CERS6: variants seen among roughly 807,000 people sequenced by gnomAD.
The protein encoded by CERS6 is LAG1 homolog, ceramide synthase 6.
A neutral mutation model predicts 56.8 loss-of-function variants in CERS6; 26 were observed. The ratio of observed to expected loss-of-function variants is 0.46; its 90% CI spans 0.34 to 0.63. The LOEUF is 0.63. Ranked by LOEUF, CERS6 falls within the 30% of genes least tolerant of loss-of-function variation. The pLI is 0.01. For synonymous variants in CERS6, 164 were observed against 173.3 expected (o/e 0.95, Z 0.42); for missense variants, 415 against 467.5 (o/e 0.89, Z 1.04).
intron 3 of CERS6, among the ~76,000 whole-genome samples, chr2:168,577,208 G>T (rs957197455): frequency 2.6e-5 from 4 of 152,162 alleles, no homozygotes; most frequent in Non-Finnish European, 5.9e-5. Context: ...CGTATGAGAG[G>T]TTATGGAATT....
chr2:168,762,141 C>A (rs1184241114), intron 8 of CERS6, among the ~76,000 whole-genome samples: 1 of 151,900 alleles, frequency 6.6e-6, no homozygotes, highest in Non-Finnish European at 1.5e-5. Flanking sequence ...CCTGCACATT[C>A]TGCATATGTA....
chr2:168,540,290 GTTTA>G (rs980766764), intron 1 of CERS6, among the ~76,000 whole-genome samples: 4 of 152,010 alleles, frequency 2.6e-5, no homozygotes, highest in South Asian at 4.2e-4. Flanking sequence ...CCTTTTCTAT[GTTTA>G]TTTATTTGTG....
chr2:168,598,597 T>C (rs188457900), intron 3 of CERS6, among the ~76,000 whole-genome samples: 25 of 152,054 alleles, frequency 1.6e-4, no homozygotes, highest in Non-Finnish European at 2.6e-4. Flanking sequence ...AATCCAAGAA[T>C]ATAATGCCAT....
chr2:168,722,589 G>T lies in CERS6; in HGVS notation c.845+4611G>T, dbSNP rs200710132. 1.4e-4 allele frequency among the ~76,000 whole-genome samples: 22 copies of T among 152,278 alleles called. No homozygotes were observed. The East Asian group carries it at 4.0e-3, about 28-fold the overall frequency. On this transcript the variant is annotated intron_variant, in intron 8 of 9. Coordinates refer to ENST00000305747, the MANE Select transcript of CERS6 (RefSeq NM_203463.3). ...CACGTAACTCTAACGAAGCAAACTT[G>T]TGTTTGTCACATTCCTCATTTAATG...
At chr2:168,526,403 G>A (rs1036484023) in intron 1 of CERS6, among the ~76,000 whole-genome samples, 1 of 152,150 alleles carries the variant, frequency 6.6e-6, no homozygotes, top group Non-Finnish European at 1.5e-5. Context: ...GGAAGTACAC[G>A]ATGAAGAGCT....
intron 1 of CERS6, among the ~76,000 whole-genome samples, chr2:168,459,805 C>T (rs1693746170): frequency 6.6e-6 from 1 of 152,172 alleles, no homozygotes; most frequent in African/African-American, 2.4e-5. Flanking sequence ...AAGCCATTCT[C>T]AGGAACTATA....
chr2:168,736,538 C>T (rs1683722928), intron 8 of CERS6, among the ~76,000 whole-genome samples: 1 of 152,156 alleles, frequency 6.6e-6, no homozygotes, highest in African/African-American at 2.4e-5. Flanking sequence ...ACCATGATTT[C>T]CAGCCTGGTC....
rs182281135 is a variant in CERS6 at position 168,711,306 on chromosome 2, C to A, written c.610-3695C>A. On this transcript the variant is annotated intron_variant, in intron 6 of 9. Transcript: ENST00000305747. ...AATAAAGAGGGTGCATGTGTGGGCT[C>A]TCCCACACTCGCTCCCCGCCACATA... Among the ~76,000 whole-genome samples, 467 of 152,304 alleles carry A rather than the reference C, an allele frequency of 3.1e-3. 6 individuals carry two copies. The highest frequency in any genetic ancestry group is 9.5e-3 in the African/African-American group (395 of 41,558).
At chr2:168,663,250 C>A (rs939572770) in intron 4 of CERS6, among the ~76,000 whole-genome samples, 2 of 151,990 alleles carry the variant, frequency 1.3e-5, no homozygotes, top group African/African-American at 4.8e-5. Flanking sequence ...TTTAAAAATG[C>A]ATTATTAGTT....
intron 1 of CERS6, among the ~76,000 whole-genome samples, chr2:168,513,840 G>T (rs4630736): frequency 1.3e-5 from 2 of 152,124 alleles, no homozygotes; most frequent in African/African-American, 2.4e-5. Flanking sequence ...TGTTGGAACT[G>T]GTTGCGAGGT....
At chr2:168,551,338 A>G (rs1370048627) in intron 2 of CERS6, among the ~76,000 whole-genome samples, 1 of 152,164 alleles carries the variant, frequency 6.6e-6, no homozygotes, top group Non-Finnish European at 1.5e-5. Context: ...TAAACACTTT[A>G]TAGAAACTAC....
At chr2:168,462,521 G>T (rs781649221) in intron 1 of CERS6, among the ~76,000 whole-genome samples, 6 of 152,036 alleles carry the variant, frequency 3.9e-5, no homozygotes, top group Non-Finnish European at 1.5e-5. Context: ...TAGCATGATT[G>T]AACACAAAAG....
chr2:168,668,229 C>T (rs1226417246), intron 4 of CERS6, among the ~76,000 whole-genome samples: 1 of 152,138 alleles, frequency 6.6e-6, no homozygotes, highest in Non-Finnish European at 1.5e-5. Context: ...CAAAACCAAA[C>T]TCATTCTCTT....
chr2:168,545,509 AT>A (rs61376408), intron 1 of CERS6, among the ~76,000 whole-genome samples: 6,491 of 145,216 alleles, frequency 0.045, 426 homozygotes, highest in African/African-American at 0.15. Context: ...ATTTTTTTTG[AT>A]TTTTTTTTTT....
intron 1 of CERS6, among the ~76,000 whole-genome samples, chr2:168,542,764 T>A (rs1380148494): frequency 6.6e-6 from 1 of 152,170 alleles, no homozygotes; most frequent in Admixed American, 6.5e-5. Flanking sequence ...TGGCACAATA[T>A]TGGCCCACTG....
chr2:168,683,888 G>A (rs1442903273), intron 4 of CERS6, among the ~76,000 whole-genome samples: 1 of 152,126 alleles, frequency 6.6e-6, no homozygotes, highest in Non-Finnish European at 1.5e-5. Flanking sequence ...ACCCTCAGCT[G>A]AAAAGAGGCA....
intron 3 of CERS6, among the ~76,000 whole-genome samples, chr2:168,593,825 G>GTTTCATGGGAACCC (rs1683732910): frequency 6.6e-6 from 1 of 152,160 alleles, no homozygotes. Context: ...AGTTTCTAGT[G>GTTTCATGGGAACCC]TTTCATGGGA....
chr2:168,745,850 C>A (rs1250513947), intron 8 of CERS6, among the ~76,000 whole-genome samples: 2 of 152,174 alleles, frequency 1.3e-5, no homozygotes, highest in Non-Finnish European at 2.9e-5. Context: ...CTCTTCCTAC[C>A]TTCAACGTCA....
intron 9 of CERS6, chr2:168,766,179 G>T: frequency 1.4e-6 from 1 of 707,196 alleles, no homozygotes. Context: ...AAATCTTTTT[G>T]GTTAAAAGTG....
Sources: allele counts gnomAD v4.1 joint callset (sites outside exome capture counted in the v4.1 genomes callset), GRCh38; gene constraint gnomAD v4.1.1; transcripts MANE v1.5; gene names NCBI Gene and HGNC (gene_info 2026-07-23, HGNC 2026-07-21).